Variants in MTCP1 observed in about 807,000 individuals in gnomAD.
MTCP1 encodes the protein mature T cell proliferation 1, also known as protein p13 MTCP-1.
Under a neutral mutation model 10.6 loss-of-function variants are expected in MTCP1, and 2 were observed. That is an observed-to-expected ratio of 0.19 (90% CI 0.08 to 0.59). MTCP1 has a LOEUF of 0.59. MTCP1 is among the 20% of genes least tolerant of loss of function. MTCP1 has a pLI of 0.90. For synonymous variants in MTCP1, 29 were observed against 34.4 expected, an observed-to-expected ratio of 0.84 and a Z score of 0.55; for missense variants, 33 against 91.5, an observed-to-expected ratio of 0.36 and a Z score of 2.61.
chrX:155,069,818 A>G (rs782368947), intron 1 of MTCP1, among the ~76,000 whole-genome samples: 1 of 112,511 alleles, frequency 8.9e-6, no homozygotes, highest in African/African-American at 3.2e-5. Flanking sequence ...ACTACCGCCG[A>G]TAACAAACAA....
chrX:155,067,035 G>A (rs1477813617), intron 1 of MTCP1, among the ~76,000 whole-genome samples: 1 of 112,147 alleles, frequency 8.9e-6, no homozygotes, highest in Non-Finnish European at 1.9e-5. Context: ...TTATAGCGCA[G>A]TTGTACTGTA....
In MTCP1 at chrX:155,065,963, G is replaced by A; in HGVS notation, c.48C>T (p.His16=). Residue 16 remains histidine (H), a synonymous_variant, in exon 2 of 5, where the codon CAC becomes CAT. Coordinates refer to ENST00000369476, the MANE Select transcript of MTCP1 (RefSeq NM_001018025.4). ...VGAPPDHLWV[H]QEGIYRDEYQ... is the part of the protein sequence containing the mutation. Reference sequence around the variant, plus strand: ...ATTCGTCGCGGTAGATACCCTCTTGGTGAACCCAGAGGTGATCGGGTGGAG... The same window carrying A: ...ATTCGTCGCGGTAGATACCCTCTTGATGAACCCAGAGGTGATCGGGTGGAG... 3.3e-6 allele frequency: 4 copies of A among 1,210,241 alleles called. No homozygotes were observed. The highest frequency in any genetic ancestry group is 3.4e-6 in the Non-Finnish European group (3 of 895,193).
At position 155,066,041 on chromosome X, in the gene MTCP1, C is replaced by G; in HGVS notation, c.-31G>C. 1 of 1,133,601 alleles carries G rather than the reference C, an allele frequency of 8.8e-7. No homozygotes were observed. 93.4% of individuals were successfully genotyped at this position (1,133,601 alleles called of 1,213,427 possible). A position where few individuals can be genotyped will look rare whatever the true frequency, so the allele number is the denominator to read the frequency against. On this transcript the variant is annotated 5_prime_UTR_variant, in exon 2 of 5. Coordinates refer to ENST00000369476, the MANE Select transcript of MTCP1 (RefSeq NM_001018025.4). ...GCTTTGGGTTCCAATTCTAGCCCTG[C>G]TTTTCTCCACCTAAGCCTGCAGCAC...
intron 1 of MTCP1, among the ~76,000 whole-genome samples, chrX:155,066,437 G>A (rs1935758109): frequency 8.9e-6 from 1 of 112,152 alleles, no homozygotes; most frequent in Non-Finnish European, 1.9e-5. Flanking sequence ...CACTTATTTT[G>A]GCAGGAAGGC....
intron 1 of MTCP1, 56 bp from the exon 2 acceptor site, chrX:155,066,113 C>T: frequency 5.2e-6 from 3 of 581,697 alleles, no homozygotes; most frequent in Admixed American, 6.0e-5. Flanking sequence ...AATGAACTCA[C>T]CAGTAAGCAA....
rs1356596406 is a variant in MTCP1, at chrX:155,064,771, T to C, written c.*633A>G. 1 of 111,994 alleles carries C rather than the reference T, an allele frequency of 8.9e-6. No individual in the cohort carries two copies. The highest frequency in any genetic ancestry group is 2.8e-4 in the East Asian group (1 of 3,601). 9.2% of individuals were successfully genotyped at this position (111,994 alleles called of 1,213,427 possible). A position where few individuals can be genotyped will look rare whatever the true frequency, so the allele number is the denominator to read the frequency against. On this transcript the variant is annotated 3_prime_UTR_variant, in exon 5 of 5. Coordinates refer to ENST00000369476, the MANE Select transcript of MTCP1 (RefSeq NM_001018025.4). ...GAGCCCACAATTTTGATCAGCAACT[T>C]CCAGTAATTTGAAGACACGATTTCA...
chrX:155,068,905 A>T (rs1213883601), intron 1 of MTCP1, among the ~76,000 whole-genome samples: 2 of 112,468 alleles, frequency 1.8e-5, no homozygotes, highest in African/African-American at 6.5e-5. Context: ...AACTTGTGCA[A>T]CTCAACTCAA....
At chrX:155,067,623 C>G (rs1307300886) in intron 1 of MTCP1, among the ~76,000 whole-genome samples, 1 of 112,354 alleles carries the variant, frequency 8.9e-6, no homozygotes, top group African/African-American at 3.2e-5. Flanking sequence ...AAATTCTTGC[C>G]TCTTTTGACT....
chrX:155,064,297 C>T lies in MTCP1; in HGVS notation c.*1107G>A, dbSNP rs1365502083. On this transcript the variant is annotated 3_prime_UTR_variant, in exon 5 of 5. Transcript: ENST00000369476. ...ACTCTTTTTGAATACTGTAAACCAA[C>T]GTTAGGCTAGAGGAGCCGACGGCGC... The T allele has an allele frequency of 1.4e-5, 3 of 207,554 alleles. No individual in the cohort carries two copies. Among genetic ancestry groups the T allele is most frequent in the Non-Finnish European group, 1.7e-5 (2 of 114,303 alleles). 17.1% of individuals were successfully genotyped at this position (207,554 alleles called of 1,213,427 possible).
At chrX:155,066,701 G>T (rs1449779884) in intron 1 of MTCP1, among the ~76,000 whole-genome samples, 1 of 112,378 alleles carries the variant, frequency 8.9e-6, no homozygotes, top group East Asian at 2.8e-4. Context: ...AGCTGCAAGA[G>T]ACTTTGGGGA....
chrX:155,065,391 TC>T lies in MTCP1; in HGVS notation c.*12del. ...AACAAAGGAGCATATCTTCGTAGAATCCCAGCACCTGGAAAAAAAAATCATT... is the reference window on the plus strand; with the variant it reads ...AACAAAGGAGCATATCTTCGTAGAATCCAGCACCTGGAAAAAAAAATCATT... On this transcript the variant is annotated 3_prime_UTR_variant, in exon 5 of 5. Transcript: ENST00000369476. 1 of 816,125 alleles carries T rather than the reference TC, an allele frequency of 1.2e-6. No homozygotes were observed. Among genetic ancestry groups the T allele is most frequent in the Non-Finnish European group, 1.8e-6 (1 of 546,033 alleles). 67.3% of individuals were successfully genotyped at this position (816,125 alleles called of 1,213,427 possible).
chrX:155,069,682 T>G (rs1374311189), intron 1 of MTCP1, among the ~76,000 whole-genome samples: 1 of 111,940 alleles, frequency 8.9e-6, no homozygotes, highest in Non-Finnish European at 1.9e-5. Context: ...GCTTAGTATC[T>G]AGCATATAAT....
At chrX:155,069,638 AATGGGGCAGTTTACATGT>A (rs1380392309) in intron 1 of MTCP1, among the ~76,000 whole-genome samples, 3 of 111,889 alleles carry the variant, frequency 2.7e-5, no homozygotes, top group Non-Finnish European at 3.8e-5. Flanking sequence ...CTTGACTCCA[AATGGGGCAGTTTACATGT>A]ACCAGGCATA....
intron 1 of MTCP1, among the ~76,000 whole-genome samples, chrX:155,070,054 A>G (rs782657857): frequency 1.3e-4 from 15 of 112,305 alleles, no homozygotes; most frequent in Non-Finnish European, 2.4e-4. Flanking sequence ...GATCAAATTA[A>G]TTATAGAAAG....
chrX:155,064,052 T>A lies in MTCP1; in HGVS notation c.*1352A>T. 8.6e-7 allele frequency: 1 copy of A among 1,159,053 alleles called. No individual in the cohort carries two copies. The highest frequency in any genetic ancestry group is 2.9e-5 in the Admixed American group (1 of 34,840). On this transcript the variant is annotated 3_prime_UTR_variant, in exon 5 of 5. Transcript: ENST00000369476. The stretch of plus-strand genomic sequence containing the variant: ...CAGAAAACTAAAACAAGAAAAATGA[T>A]TTTTATTTTTCTTTTTTCCATAAAG...
At position 155,071,028 on chromosome X, in the gene MTCP1, G is replaced by C. The variant is rs191093316; in HGVS notation, c.-382C>G. 2.0e-4 allele frequency: 22 copies of C among 112,814 alleles called. No individual in the cohort carries two copies. The highest frequency in any genetic ancestry group is 6.1e-4 in the African/African-American group (19 of 31,124). 9.3% of individuals were successfully genotyped at this position (112,814 alleles called of 1,213,427 possible). On this transcript the variant is annotated 5_prime_UTR_variant, in exon 1 of 5. Transcript: ENST00000369476. ...CGCGGAGATGTCGTCTTAAAGGGCT[G>C]TCCCCCAAGCGTGTAGGCCGCGCAC...
At chrX:155,067,695 C>A (rs1359139071) in intron 1 of MTCP1, among the ~76,000 whole-genome samples, 1 of 112,427 alleles carries the variant, frequency 8.9e-6, no homozygotes, top group Non-Finnish European at 1.9e-5. Flanking sequence ...TTTCACAAGT[C>A]CTGTCTTCCC....
In MTCP1 at chrX:155,065,403, G is replaced by A. The variant is rs1307556927; in HGVS notation, c.*5-4C>T. ...TATCTTCGTAGAATCCCAGCACCTG[G>A]AAAAAAAAATCATTAAAATCACCAC... On this transcript the variant is annotated splice_polypyrimidine_tract_variant and splice_region_variant and intron_variant, in intron 4 of 4. Transcript: ENST00000369476. The A allele has an allele frequency of 2.2e-6, 2 of 917,790 alleles. No homozygotes were observed. Among genetic ancestry groups the A allele is most frequent in the Non-Finnish European group, 3.1e-6 (2 of 638,119 alleles). The allele number at this position is 917,790 out of a possible 1,213,427, so 75.6% of individuals were successfully genotyped here. A position where few individuals can be genotyped will look rare whatever the true frequency, so the allele number is the denominator to read the frequency against.
At chrX:155,066,476 C>T (rs2124214326) in intron 1 of MTCP1, among the ~76,000 whole-genome samples, 1 of 112,518 alleles carries the variant, frequency 8.9e-6, no homozygotes, top group African/African-American at 3.2e-5. Context: ...ATGTCATATT[C>T]CCCAGGTAAA....
Sources: allele counts gnomAD v4.1 joint callset (sites outside exome capture counted in the v4.1 genomes callset), GRCh38; gene constraint gnomAD v4.1.1; transcripts MANE v1.5; gene names NCBI Gene and HGNC (gene_info 2026-07-23, HGNC 2026-07-21).